CCND3: variants seen among roughly 807,000 people sequenced by gnomAD.
CCND3 encodes cyclin D3.
A neutral mutation model predicts 28.7 loss-of-function variants in CCND3; 9 were observed. The ratio of observed to expected loss-of-function variants is 0.31; its 90% CI spans 0.19 to 0.55. The LOEUF (loss-of-function observed/expected upper bound fraction) is 0.55. Ranked by LOEUF, CCND3 falls within the 20% of genes least tolerant of loss-of-function variation. The probability of loss-of-function intolerance (pLI) is 0.93; values close to 1 mark genes in which losing one functional copy is unlikely to be tolerated. For synonymous variants in CCND3, 164 were observed against 163.9 expected (o/e 1.00, Z 0.00); for missense variants, 315 against 385.8 (o/e 0.82, Z 1.54).
At chr6:41,994,116 G>A in intron 1 of CCND3, among the ~76,000 whole-genome samples, 1 of 150,094 alleles carries the variant, frequency 6.7e-6, no homozygotes, top group East Asian at 1.9e-4. Flanking sequence ...TATGACGGTG[G>A]TCCCATGAGG....
At position 41,941,231 on chromosome 6, in the gene CCND3, G is replaced by T. The variant is rs1456229836; in HGVS notation, c.198+221C>A. ...TCGGCCCGAAGAGAGGCACAGTTAG[G>T]GTGCCAAGTGACTGGCAGTCACTGT... On this transcript the variant is annotated intron_variant, in intron 1 of 4. Coordinates refer to ENST00000372991, the MANE Select transcript of CCND3 (RefSeq NM_001760.5). The surrounding 1 kb of genome is among the most constrained non-coding windows in gnomAD (Gnocchi z 6.1). The T allele has an allele frequency of 7.0e-7, 1 of 1,433,642 alleles. No individual in the cohort carries two copies. The highest frequency in any genetic ancestry group is 2.5e-5 in the East Asian group (1 of 39,530). 88.8% of individuals were successfully genotyped at this position (1,433,642 alleles called of 1,614,324 possible). A position where few individuals can be genotyped will look rare whatever the true frequency, so the allele number is the denominator to read the frequency against.
Position 41,936,581 on chromosome 6 carries a change from G to A in CCND3, c.689C>T (p.Ala230Val), listed in dbSNP as rs1353553597. The A allele has an allele frequency of 6.2e-7, 1 of 1,614,170 alleles. No individual in the cohort carries two copies. Among genetic ancestry groups the A allele is most frequent in the East Asian group, 2.2e-5 (1 of 44,882 alleles). ...MSGDELTELLAGITGTEVDCL... is the reference protein window; with the variant it reads ...MSGDELTELLVGITGTEVDCL... ...CACCACTTCAGTGCCAGTGATCCCTGCCAGCAGCTCTGTGAGCTCATCCCC... is the reference window on the plus strand; with the variant it reads ...CACCACTTCAGTGCCAGTGATCCCTACCAGCAGCTCTGTGAGCTCATCCCC... Residue 230 changes from alanine (A) to valine (V), a missense_variant, in exon 4 of 5, where the codon GCA (alanine) becomes GTA (valine). By Grantham distance (64) the Ala-to-Val change is moderately conservative. Coordinates refer to ENST00000372991, the MANE Select transcript of CCND3 (RefSeq NM_001760.5). This position sits in a 1 kb window ranked among gnomAD's most constrained non-coding sequence, Gnocchi z 4.4.
upstream of CCND3, among the ~76,000 whole-genome samples, chr6:41,942,420 G>A (rs1045928064): frequency 2.6e-5 from 4 of 152,112 alleles, no homozygotes; most frequent in Admixed American, 2.6e-4. Context: ...AGACTCTCAG[G>A]CCCACCCCTA....
chr6:41,940,018 G>C (rs1371451850), intron 2 of CCND3, among the ~76,000 whole-genome samples: 1 of 152,102 alleles, frequency 6.6e-6, no homozygotes, highest in Non-Finnish European at 1.5e-5. Flanking sequence ...CCCTTCTGCT[G>C]CCAATAAATA....
intron 1 of CCND3, among the ~76,000 whole-genome samples, chr6:42,020,654 G>A (rs140247187): frequency 3.9e-4 from 60 of 152,236 alleles, no homozygotes; most frequent in Middle Eastern, 3.4e-3. Context: ...CCCCTCACCC[G>A]TAGCCTCCCC....
intron 1 of CCND3, among the ~76,000 whole-genome samples, chr6:41,970,315 G>C (rs555694531): frequency 6.6e-6 from 1 of 152,196 alleles, no homozygotes; most frequent in South Asian, 2.1e-4. Context: ...CTCCAGCCTG[G>C]TGACAGAGCG....
intron 1 of CCND3, among the ~76,000 whole-genome samples, chr6:41,991,104 A>G (rs533313772): frequency 5.5e-4 from 83 of 150,834 alleles, no homozygotes; most frequent in African/African-American, 2.0e-3. Context: ...TGTTGCCCAG[A>G]CTGGAGTGCA....
chr6:42,029,604 G>A (rs1248030543), intron 1 of CCND3, among the ~76,000 whole-genome samples: 3 of 152,036 alleles, frequency 2.0e-5, no homozygotes, highest in Non-Finnish European at 2.9e-5. Context: ...TTGGGAGGCC[G>A]AGATGAGCAG....
At chr6:41,940,131 C>T (rs1454188418) in intron 2 of CCND3, among the ~76,000 whole-genome samples, 1 of 152,154 alleles carries the variant, frequency 6.6e-6, no homozygotes, top group Non-Finnish European at 1.5e-5. Context: ...GAGTGGCATC[C>T]CCTGGAGGTC....
At chr6:41,999,155 C>T (rs1205493507) in intron 1 of CCND3, among the ~76,000 whole-genome samples, 2 of 152,090 alleles carry the variant, frequency 1.3e-5, no homozygotes, top group Non-Finnish European at 2.9e-5. Flanking sequence ...TGTGGCTGGG[C>T]ATGGTGGCTG....
intron 1 of CCND3, among the ~76,000 whole-genome samples, chr6:42,005,002 T>G (rs1245322968): frequency 6.6e-6 from 1 of 152,220 alleles, no homozygotes; most frequent in African/African-American, 2.4e-5. Flanking sequence ...TCCAATTTTA[T>G]GTTGACTTTC....
rs762507772 is a variant in CCND3 at position 41,941,610 on chromosome 6, G to C, written c.40C>G (p.Arg14Gly). The C allele has an allele frequency of 6.6e-7, 1 of 1,524,742 alleles. No individual in the cohort carries two copies. 94.5% of individuals were successfully genotyped at this position (1,524,742 alleles called of 1,614,324 possible). A position where few individuals can be genotyped will look rare whatever the true frequency, so the allele number is the denominator to read the frequency against. Residue 14 changes from arginine (R) to glycine (G), a missense_variant, in exon 1 of 5, where the codon CGG becomes GGG. By Grantham distance (125) the Arg-to-Gly change is moderately radical (BLOSUM62 -2). Coordinates refer to ENST00000372991, the MANE Select transcript of CCND3 (RefSeq NM_001760.5). This position sits in a 1 kb window ranked among gnomAD's most constrained non-coding sequence, Gnocchi z 6.1. ...LCCEGTRHAP[R>G]AGPDPRLLGD... ...AGCAGCCGCGGGTCCGGCCCGGCCC[G>C]GGGCGCGTGCCGGGTGCCTTCGCAA...
At chr6:41,940,635 G>A (rs779794517) in intron 1 of CCND3, 50 bp from the exon 2 acceptor site, 20 of 1,200,014 alleles carry the variant, frequency 1.7e-5, no homozygotes, top group Non-Finnish European at 2.2e-5. Context: ...GGGGAACACA[G>A]CAGCGGGGGG....
chr6:41,997,486 G>A (rs1289681681), intron 1 of CCND3, among the ~76,000 whole-genome samples: 1 of 152,094 alleles, frequency 6.6e-6, no homozygotes. Context: ...ACCGGCAAGG[G>A]GACAAGGGCT....
intron 1 of CCND3, among the ~76,000 whole-genome samples, chr6:41,972,256 A>G (rs1382903737): frequency 6.6e-6 from 1 of 151,394 alleles, no homozygotes; most frequent in African/African-American, 2.4e-5. Flanking sequence ...AAAAGAAAAG[A>G]AAAGAGATAC....
intron 1 of CCND3, among the ~76,000 whole-genome samples, chr6:42,041,166 AG>A (rs1764361399): frequency 1.3e-5 from 2 of 152,208 alleles, no homozygotes; most frequent in Admixed American, 6.5e-5. Context: ...GTCAGAGGAA[AG>A]GCAGAGAAGA....
At chr6:41,954,275 AG>A (rs1776386444) in intron 1 of CCND3, among the ~76,000 whole-genome samples, 1 of 114,874 alleles carries the variant, frequency 8.7e-6, no homozygotes, top group South Asian at 3.1e-4. Context: ...AAAAAAAAAA[AG>A]GTGTGGTGGC....
intron 1 of CCND3, among the ~76,000 whole-genome samples, chr6:41,966,799 C>G (rs1455203467): frequency 6.6e-6 from 1 of 152,092 alleles, no homozygotes; most frequent in Non-Finnish European, 1.5e-5. Context: ...GGAACCCAAG[C>G]TTTTTGATTT....
chr6:41,959,500 T>C (rs1464924260), intron 1 of CCND3, among the ~76,000 whole-genome samples: 2 of 151,414 alleles, frequency 1.3e-5, no homozygotes, highest in East Asian at 1.9e-4. Flanking sequence ...CTGGCCAACA[T>C]GGTGAAACCC....
Sources: gnomAD v4.1 joint callset for allele counts (sites outside exome capture counted in the v4.1 genomes callset) on GRCh38, gnomAD v4.1.1 for gene constraint, Gnocchi (gnomAD v3.1) non-coding constraint, MANE v1.5 for transcripts, NCBI Gene and HGNC (gene_info 2026-07-23, HGNC 2026-07-21) for gene names.